The following SLC38A12 variants were observed in gnomAD, a reference collection of about 807,000 sequenced individuals.
SLC38A12 encodes the protein solute carrier family 38 member 12, also known as putative sodium-coupled neutral amino acid transporter 12.
the SLC38A12 span, among the ~76,000 whole-genome samples, chr17:74,818,728 G>A: frequency 1.3e-5 from 2 of 152,232 alleles, no homozygotes; most frequent in Non-Finnish European, 2.9e-5. Context: ...GCATTAACGT[G>A]ATAAAATGGC....
At chr17:74,798,351 T>C in the SLC38A12 span, among the ~76,000 whole-genome samples, 2 of 152,170 alleles carry the variant, frequency 1.3e-5, no homozygotes, top group African/African-American at 4.8e-5. Flanking sequence ...ACAGTAACTG[T>C]CTCCAGGGCT....
chr17:74,797,038 G>A, the SLC38A12 span, among the ~76,000 whole-genome samples: 1 of 152,216 alleles, frequency 6.6e-6, no homozygotes, highest in Non-Finnish European at 1.5e-5. Flanking sequence ...GGGCAGAGCA[G>A]CCACAGCAGA....
chr17:74,788,855 G>T, the SLC38A12 span: 1 of 1,613,276 alleles, frequency 6.2e-7, no homozygotes, highest in African/African-American at 1.3e-5. Context: ...ACTGGAAGAG[G>T]ATGGAGAACC....
chr17:74,779,455 G>A, the SLC38A12 span, among the ~76,000 whole-genome samples: 1 of 152,012 alleles, frequency 6.6e-6, no homozygotes, highest in Non-Finnish European at 1.5e-5. Flanking sequence ...GTGGGATGGG[G>A]AGGGGATGAT....
At chr17:74,785,844 A>C in the SLC38A12 span, among the ~76,000 whole-genome samples, 1 of 152,150 alleles carries the variant, frequency 6.6e-6, no homozygotes, top group Non-Finnish European at 1.5e-5. Context: ...GACATCCACT[A>C]GGCTTTGGAA....
chr17:74,837,508 C>T, the SLC38A12 span: 1 of 985,486 alleles, frequency 1.0e-6, no homozygotes, highest in Non-Finnish European at 1.2e-6. Flanking sequence ...TAGAGGGAAG[C>T]CATCCCCACC....
the SLC38A12 span, chr17:74,790,828 G>GA: frequency 2.8e-6 from 2 of 718,172 alleles, no homozygotes; most frequent in African/African-American, 3.6e-5. Flanking sequence ...GAAACATTAG[G>GA]AAAAGTTTTC....
At chr17:74,776,910 G>C in the SLC38A12 span, among the ~76,000 whole-genome samples, 1 of 152,200 alleles carries the variant, frequency 6.6e-6, no homozygotes, top group African/African-American at 2.4e-5. Context: ...GTGAGCTCCT[G>C]GTTCCTGGAA....
the SLC38A12 span, among the ~76,000 whole-genome samples, chr17:74,776,843 C>T: frequency 6.6e-6 from 1 of 152,172 alleles, no homozygotes; most frequent in Non-Finnish European, 1.5e-5. Flanking sequence ...GGAAAGCCCC[C>T]AGCTCCCTGC....
At chr17:74,778,325 A>G in the SLC38A12 span, among the ~76,000 whole-genome samples, 1 of 152,240 alleles carries the variant, frequency 6.6e-6, no homozygotes, top group Non-Finnish European at 1.5e-5. Flanking sequence ...TGGTTGACTC[A>G]GGTTGCTACC....
chr17:74,794,219 C>T, the SLC38A12 span, among the ~76,000 whole-genome samples: 5 of 152,226 alleles, frequency 3.3e-5, no homozygotes, highest in Admixed American at 1.3e-4. Context: ...GGTTTGGAGA[C>T]GTTCATGGAC....
At chr17:74,779,647 G>C in the SLC38A12 span, among the ~76,000 whole-genome samples, 1 of 152,194 alleles carries the variant, frequency 6.6e-6, no homozygotes, top group Non-Finnish European at 1.5e-5. Flanking sequence ...TGGCTGCTCT[G>C]AGTTCCCCTG....
the SLC38A12 span, among the ~76,000 whole-genome samples, chr17:74,789,699 G>A: frequency 6.6e-6 from 1 of 151,746 alleles, no homozygotes. Context: ...TACAAAATTA[G>A]CCGGCCGTGG....
chr17:74,780,654 G>T, the SLC38A12 span, among the ~76,000 whole-genome samples: 1 of 152,088 alleles, frequency 6.6e-6, no homozygotes, highest in East Asian at 1.9e-4. Flanking sequence ...TCTGTTCATT[G>T]TGATTGGCCA....
chr17:74,797,819 C>T, the SLC38A12 span, among the ~76,000 whole-genome samples: 11 of 152,296 alleles, frequency 7.2e-5, no homozygotes, highest in East Asian at 7.7e-4. Context: ...CAAGTGATGA[C>T]GGCATCTTCC....
the SLC38A12 span, among the ~76,000 whole-genome samples, chr17:74,789,359 A>G: frequency 6.6e-6 from 1 of 151,882 alleles, no homozygotes; most frequent in Non-Finnish European, 1.5e-5. Flanking sequence ...GTGAAACCTC[A>G]TCTCTACTAA....
the SLC38A12 span, among the ~76,000 whole-genome samples, chr17:74,828,596 T>C: frequency 6.6e-6 from 1 of 152,154 alleles, no homozygotes; most frequent in East Asian, 1.9e-4. Context: ...GCTCACATCC[T>C]TATGGAGATG....
chr17:74,817,230 C>G, the SLC38A12 span, among the ~76,000 whole-genome samples: 1 of 152,106 alleles, frequency 6.6e-6, no homozygotes, highest in Non-Finnish European at 1.5e-5. Context: ...GCTCGCAGTC[C>G]TATGGAAGGG....
the SLC38A12 span, among the ~76,000 whole-genome samples, chr17:74,797,094 A>T: frequency 6.6e-6 from 1 of 151,954 alleles, no homozygotes; most frequent in Non-Finnish European, 1.5e-5. Context: ...GAATCTAAAG[A>T]CCCTGCCAGG....
Sources: gnomAD v4.1 joint callset for allele counts (sites outside exome capture counted in the v4.1 genomes callset) on GRCh38, gnomAD v4.1.1 for gene constraint, MANE v1.5 for transcripts, NCBI Gene and HGNC (gene_info 2026-07-23, HGNC 2026-07-21) for gene names.